Variants in MSH4 observed in about 807,000 individuals in gnomAD.
MSH4 encodes the protein mutS protein homolog 4.
A neutral mutation model predicts 113.7 loss-of-function variants in MSH4; 106 were observed. The ratio of observed to expected loss-of-function variants is 0.93; its 90% CI spans 0.80 to 1.10. The LOEUF (loss-of-function observed/expected upper bound fraction) is 1.10. Ranked by LOEUF, MSH4 falls within the 50% of genes least tolerant of loss-of-function variation. The pLI is 0.00. For missense variants in MSH4, 1,061 were observed against 1,093.7 expected (o/e 0.97, Z 0.42); for synonymous variants, 368 against 380.2 (o/e 0.97, Z 0.37).
At chr1:75,864,484 A>G (rs1051685435) in intron 8 of MSH4, among the ~76,000 whole-genome samples, 2 of 152,200 alleles carry the variant, frequency 1.3e-5, no homozygotes, top group Non-Finnish European at 1.5e-5. Context: ...CCATCAGCAT[A>G]TGAGAACTCC....
chr1:75,850,521 T>TTA lies in MSH4; in HGVS notation c.1230+2250_1230+2251dup, dbSNP rs1177882093. Among the ~76,000 whole-genome samples, 3 of 152,164 alleles carry TTA rather than the reference T, an allele frequency of 2.0e-5. No homozygotes were observed. The East Asian group carries it at 5.8e-4, about 29-fold the overall frequency. On this transcript the variant is annotated intron_variant, in intron 8 of 19. Transcript: ENST00000263187. Reference sequence around the variant, plus strand: ...ATTCCCAATGATCAGAGACCATGTATTATATAATATAGATCCTTTTAGCTT... The same window carrying TTA: ...ATTCCCAATGATCAGAGACCATGTATTATATATAATATAGATCCTTTTAGCTT...
intron 7 of MSH4, among the ~76,000 whole-genome samples, chr1:75,831,767 C>G (rs1229650390): frequency 6.6e-6 from 1 of 152,202 alleles, no homozygotes; most frequent in Non-Finnish European, 1.5e-5. Context: ...ACCAGAATCT[C>G]TGGCACACAT....
intron 11 of MSH4, 106 bp from the exon 12 acceptor site, chr1:75,878,886 A>G (rs949566937): frequency 9.6e-7 from 1 of 1,036,680 alleles, no homozygotes; most frequent in Non-Finnish European, 1.4e-6. Context: ...ATTTATGTAT[A>G]AAATAAGAAT....
At chr1:75,899,765 T>A in intron 19 of MSH4, 59 bp downstream of exon 19, 1 of 816,126 alleles carries the variant, frequency 1.2e-6, no homozygotes, top group African/African-American at 1.9e-5. Context: ...TAGTGTAGAT[T>A]TTTATTATGA....
intron 4 of MSH4, among the ~76,000 whole-genome samples, chr1:75,811,350 C>A (rs918546434): frequency 1.3e-5 from 2 of 152,122 alleles, no homozygotes; most frequent in South Asian, 4.1e-4. Context: ...GCACCCTGAT[C>A]TACTTTAAAC....
intron 14 of MSH4, among the ~76,000 whole-genome samples, chr1:75,883,120 TC>T (rs1472650710): frequency 6.6e-6 from 1 of 151,650 alleles, no homozygotes; most frequent in Non-Finnish European, 1.5e-5. Flanking sequence ...TCCTCCTATC[TC>T]AACCCCACAA....
At chr1:75,833,461 A>G (rs912299194) in intron 7 of MSH4, among the ~76,000 whole-genome samples, 4 of 152,212 alleles carry the variant, frequency 2.6e-5, no homozygotes, top group African/African-American at 9.6e-5. Context: ...GAACCAAAAA[A>G]GAGCTCGCAT....
intron 9 of MSH4, among the ~76,000 whole-genome samples, chr1:75,870,822 A>G (rs1651698038): frequency 6.6e-6 from 1 of 152,206 alleles, no homozygotes; most frequent in Non-Finnish European, 1.5e-5. Context: ...TAATGTGGCA[A>G]AAGACTTCAA....
At chr1:75,848,166 G>A in intron 7 of MSH4, 43 bp from the exon 8 acceptor site, 2 of 1,288,986 alleles carry the variant, frequency 1.6e-6, no homozygotes, top group Non-Finnish European at 2.2e-6. Context: ...ATTTTGAACT[G>A]TACCATAAAG....
At chr1:75,847,622 A>G (rs1233006908) in intron 7 of MSH4, among the ~76,000 whole-genome samples, 1 of 152,178 alleles carries the variant, frequency 6.6e-6, no homozygotes, top group Admixed American at 6.6e-5. Context: ...AGAGTATGGC[A>G]TTGGCATCTA....
At chr1:75,855,723 C>A (rs2100551870) in intron 8 of MSH4, among the ~76,000 whole-genome samples, 1 of 152,270 alleles carries the variant, frequency 6.6e-6, no homozygotes, top group Admixed American at 6.5e-5. Context: ...GGGCCTACCC[C>A]ACTCCAGTAT....
At chr1:75,897,256 G>C (rs1042561871) in intron 17 of MSH4, among the ~76,000 whole-genome samples, 2 of 152,036 alleles carry the variant, frequency 1.3e-5, no homozygotes, top group Non-Finnish European at 2.9e-5. Flanking sequence ...TAGAACTATT[G>C]GTTGACAATT....
intron 8 of MSH4, among the ~76,000 whole-genome samples, chr1:75,860,322 T>C (rs1162872022): frequency 6.6e-6 from 1 of 152,194 alleles, no homozygotes; most frequent in East Asian, 1.9e-4. Context: ...TAGCTGGTCA[T>C]TTCTCCCATT....
At chr1:75,849,975 T>C (rs2100547326) in intron 8 of MSH4, among the ~76,000 whole-genome samples, 2 of 152,294 alleles carry the variant, frequency 1.3e-5, no homozygotes, top group Middle Eastern at 6.8e-3. Context: ...CAGCATAAAC[T>C]ATCTCATAAT....
At chr1:75,887,899 A>G (rs1415292156) in intron 15 of MSH4, among the ~76,000 whole-genome samples, 1 of 151,882 alleles carries the variant, frequency 6.6e-6, no homozygotes, top group Non-Finnish European at 1.5e-5. Context: ...TCATGAGATT[A>G]TGTGTCAGAA....
At chr1:75,836,301 T>TC (rs1557503055) in intron 7 of MSH4, among the ~76,000 whole-genome samples, 1 of 26,984 alleles carries the variant, frequency 3.7e-5, no homozygotes, top group Admixed American at 8.0e-4. Flanking sequence ...TCTTTCTTTT[T>TC]CTTTTTTTTT....
At chr1:75,886,607 T>A (rs1199981823) in intron 15 of MSH4, among the ~76,000 whole-genome samples, 1 of 118,034 alleles carries the variant, frequency 8.5e-6, no homozygotes, top group East Asian at 2.2e-4. Flanking sequence ...ATATATTATA[T>A]AATGTATAAT....
Position 75,907,660 on chromosome 1 carries a change from A to ATC in MSH4, c.2620-5012_2620-5011dup, listed in dbSNP as rs138292747. ...TCTTAGATTTGCTCTTCCACGGTGT[A>ATC]TCTCTCTCTCTCTCTCTCTCTCTCT... is the stretch of plus-strand genomic sequence containing the variant. On this transcript the variant is annotated intron_variant, in intron 19 of 19. Transcript: ENST00000263187. 2.8e-3 allele frequency among the ~76,000 whole-genome samples: 257 copies of ATC among 92,784 alleles called. 2 individuals are homozygous for ATC. The highest frequency in any genetic ancestry group is 0.012 in the South Asian group (37 of 2,962). The allele number at this position is 92,784 out of a possible 152,430, so 60.9% of individuals were successfully genotyped here. A position where few individuals can be genotyped will look rare whatever the true frequency, so the allele number is the denominator to read the frequency against.
chr1:75,906,781 T>G (rs1652665862), intron 19 of MSH4, among the ~76,000 whole-genome samples: 1 of 149,818 alleles, frequency 6.7e-6, no homozygotes, highest in Non-Finnish European at 1.5e-5. Flanking sequence ...CTTCTTATAT[T>G]GTCTATTTCT....
Sources: allele counts gnomAD v4.1 joint callset (sites outside exome capture counted in the v4.1 genomes callset), GRCh38; gene constraint gnomAD v4.1.1; transcripts MANE v1.5; gene names NCBI Gene and HGNC (gene_info 2026-07-23, HGNC 2026-07-21).